Variants in ZNF341 observed in about 807,000 individuals in gnomAD.
ZNF341 encodes zinc finger protein 341.
Under a neutral mutation model 87.7 loss-of-function variants are expected in ZNF341, and 52 were observed. The observed-to-expected ratio is 0.59, with a 90% CI of 0.47 to 0.75. ZNF341 has a LOEUF of 0.75. Among genes scored for constraint, ZNF341 ranks in the 30% least tolerant of loss-of-function variants. The pLI, the probability that ZNF341 is intolerant of heterozygous loss-of-function variation, is 0.00. For missense variants in ZNF341, 977 were observed against 1,145.9 expected (o/e 0.85, Z 2.13); for synonymous variants, 459 against 472.7 (o/e 0.97, Z 0.38).
rs369299171 is a variant in ZNF341, at chr20:33,745,191, G to T, written c.231G>T (p.Gln77His). Reference protein sequence around the residue: ...AFMTHKREQCQGNAPALATVS... With the variant: ...AFMTHKREQCHGNAPALATVS... ...TGACCCACAAGCGGGAACAGTGCCA[G>T]GGGAATGCCCCCGCCCTGGCCACAG... Residue 77 changes from glutamine to histidine, a missense_variant, in exon 3 of 15, where the codon CAG becomes CAT. Gln to His is a conservative substitution (Grantham distance 24). Transcript: ENST00000375200. 7.7e-5 allele frequency: 125 copies of T among 1,614,098 alleles called. No homozygotes were observed. Among genetic ancestry groups the T allele is most frequent in the Non-Finnish European group, 1.0e-4 (122 of 1,180,050 alleles).
chr20:33,752,052 A>G (rs2019067058), intron 4 of ZNF341: 2 of 382,788 alleles, frequency 5.2e-6, no homozygotes, highest in Admixed American at 7.3e-5. Context: ...TCAACAAAGG[A>G]GATGTCCCAC....
chr20:33,786,143 A>C (rs1464316322), intron 12 of ZNF341, among the ~76,000 whole-genome samples: 1 of 146,984 alleles, frequency 6.8e-6, no homozygotes. Flanking sequence ...AGCTGGGATT[A>C]CAGGTGTGCA....
intron 10 of ZNF341, among the ~76,000 whole-genome samples, chr20:33,779,313 C>G (rs962362530): frequency 6.6e-6 from 1 of 152,148 alleles, no homozygotes; most frequent in Non-Finnish European, 1.5e-5. Flanking sequence ...GGTCCTAAAC[C>G]ATTCATGAGA....
At chr20:33,746,488 G>A (rs113527415) in intron 3 of ZNF341, among the ~76,000 whole-genome samples, 1,942 of 151,676 alleles carry the variant, frequency 0.013, 18 homozygotes, top group Non-Finnish European at 0.016. Context: ...CGCCTCGGCC[G>A]CCCAAAGTGC....
chr20:33,791,320 G>A lies in ZNF341; in HGVS notation c.2368G>A (p.Gly790Ser), dbSNP rs371648715. 37 of 1,611,588 alleles carry A rather than the reference G, an allele frequency of 2.3e-5. No homozygotes were observed. The highest frequency in any genetic ancestry group is 1.9e-4 in the African/African-American group (14 of 74,920). Residue 790 changes from glycine to serine, a missense_variant, in exon 15 of 15, where the codon GGC becomes AGC. Around this residue, in one of 3 missense-constraint regions of ZNF341, gnomAD observed 221 missense variants for 212.7 expected, o/e 1.04. Coordinates refer to ENST00000375200, the MANE Select transcript of ZNF341 (RefSeq NM_001282933.2). ...GAGLVPEAVPGKPPFAEPDAV... is the reference protein window; with the variant it reads ...GAGLVPEAVPSKPPFAEPDAV... Reference sequence around the variant, plus strand: ...TGGGCTGGTGCCCGAGGCTGTCCCCGGCAAGCCGCCCTTCGCAGAGCCGGA... The same window carrying A: ...TGGGCTGGTGCCCGAGGCTGTCCCCAGCAAGCCGCCCTTCGCAGAGCCGGA...
chr20:33,735,440 T>C (rs1274081218), intron 1 of ZNF341, among the ~76,000 whole-genome samples: 4 of 152,028 alleles, frequency 2.6e-5, no homozygotes, highest in Non-Finnish European at 5.9e-5. Context: ...GCTCAAGTGA[T>C]CCTCCCACCT....
intron 2 of ZNF341, among the ~76,000 whole-genome samples, chr20:33,744,524 T>G (rs776851177): frequency 6.6e-6 from 1 of 152,158 alleles, no homozygotes; most frequent in African/African-American, 2.4e-5. Flanking sequence ...GAACATACTT[T>G]ACTGTTTTTT....
chr20:33,745,200 C>G lies in ZNF341; in HGVS notation c.240C>G (p.Ala80=), dbSNP rs542715930. ...THKREQCQGN[A]PALATVSLAT... The stretch of plus-strand genomic sequence containing the variant: ...AGCGGGAACAGTGCCAGGGGAATGC[C>G]CCCGCCCTGGCCACAGTCTCACTGG... The change falls in exon 3 of 15, where the codon GCC becomes GCG. Residue 80 remains alanine, a synonymous_variant. Coordinates refer to ENST00000375200, the MANE Select transcript of ZNF341 (RefSeq NM_001282933.2). The G allele has an allele frequency of 4.3e-6, 7 of 1,614,056 alleles. No individual in the cohort carries two copies. The highest frequency in any genetic ancestry group is 1.3e-5 in the African/African-American group (1 of 74,934).
intron 9 of ZNF341, among the ~76,000 whole-genome samples, chr20:33,767,473 T>C (rs1245675162): frequency 6.6e-6 from 1 of 151,924 alleles, no homozygotes; most frequent in Non-Finnish European, 1.5e-5. Flanking sequence ...CACCTCCATG[T>C]TGGCCAGGCT....
intron 8 of ZNF341, among the ~76,000 whole-genome samples, chr20:33,766,541 A>T (rs1050236594): frequency 6.6e-6 from 1 of 152,120 alleles, no homozygotes; most frequent in African/African-American, 2.4e-5. Context: ...TTAGGAGTAC[A>T]ACTAGGATGG....
intron 10 of ZNF341, among the ~76,000 whole-genome samples, chr20:33,772,538 A>G (rs1207530298): frequency 6.6e-6 from 1 of 152,142 alleles, no homozygotes; most frequent in Non-Finnish European, 1.5e-5. Context: ...GCTATCATAT[A>G]TGTTTATAAG....
In ZNF341 at chr20:33,750,205, T is replaced by C. The variant is rs575083349; in HGVS notation, c.489+1133T>C. Among the ~76,000 whole-genome samples, 5 of 152,088 alleles carry C rather than the reference T, an allele frequency of 3.3e-5. No individual in the cohort carries two copies. In the East Asian group the frequency reaches 5.8e-4, roughly 18 times the overall value. ...CTCCTGGGCTCAAGGGATCCTCTAG[T>C]GTCGGCCTCTCAAAGTGCTGGGATT... On this transcript the variant is annotated intron_variant, in intron 4 of 14. Transcript: ENST00000375200.
Position 33,791,175 on chromosome 20 carries a change from G to C in ZNF341, c.2223G>C (p.Leu741=), listed in dbSNP as rs1568598023. 6.2e-7 allele frequency: 1 copy of C among 1,613,164 alleles called. No homozygotes were observed. The highest frequency in any genetic ancestry group is 8.5e-7 in the Non-Finnish European group (1 of 1,179,988). ...CRLGPQKDKD[L]QTRRPPQRRA... is the part of the protein sequence containing the mutation. ...TCGGCCCCCAAAAGGACAAGGACCT[G>C]CAAACCCGGCGGCCCCCCCAGAGGA... is the stretch of plus-strand genomic sequence containing the variant. The change falls in exon 15 of 15, where the codon CTG becomes CTC. Residue 741 remains leucine, a synonymous_variant. Transcript: ENST00000375200.
intron 9 of ZNF341, among the ~76,000 whole-genome samples, chr20:33,769,379 G>A (rs13042872): frequency 0.35 from 21,775 of 61,550 alleles, 2,620 homozygotes; most frequent in East Asian, 0.57. Flanking sequence ...TGGTGGTGGG[G>A]GGGGGGGCAG....
Position 33,740,911 on chromosome 20 carries a change from A to G in ZNF341, c.41A>G (p.Asn14Ser), listed in dbSNP as rs745389763. The G allele has an allele frequency of 3.1e-6, 5 of 1,614,130 alleles. No individual in the cohort carries two copies. Among genetic ancestry groups the G allele is most frequent in the African/African-American group, 1.3e-5 (1 of 75,054 alleles). ...AIFEALEGMD[N>S]QTVLAVQSLL... ...GCACTTCTTTTTTCAGGAATGGACA[A>G]TCAGACCGTTCTGGCTGTCCAGTCA... The change falls in exon 2 of 15, where the codon AAT (asparagine) becomes AGT (serine). Residue 14 changes from asparagine to serine, a missense_variant. Transcript: ENST00000375200.
rs902402866 is a variant in ZNF341, at chr20:33,790,281, T to C, written c.2035+693T>C. On this transcript the variant is annotated intron_variant, in intron 14 of 14. Transcript: ENST00000375200. ...GACATGGGGTTTTCACCATGTTGGC[T>C]AGGCTGGTGTCGAACTCCTGACCTC... Among the ~76,000 whole-genome samples, 8 of 152,060 alleles carry C rather than the reference T, an allele frequency of 5.3e-5. No homozygotes were observed. The East Asian group carries it at 5.8e-4, about 11-fold the overall frequency.
chr20:33,786,796 C>T (rs1470971437), intron 12 of ZNF341, among the ~76,000 whole-genome samples: 3 of 149,486 alleles, frequency 2.0e-5, no homozygotes, highest in Admixed American at 6.7e-5. Flanking sequence ...GATGAAACCC[C>T]GTCTCTACTA....
At position 33,781,324 on chromosome 20, in the gene ZNF341, T is replaced by C. The variant is rs2122726594; in HGVS notation, c.1656T>C (p.Pro552=). The C allele has an allele frequency of 6.2e-7, 1 of 1,614,106 alleles. No individual in the cohort carries two copies. Among genetic ancestry groups the C allele is most frequent in the Non-Finnish European group, 8.5e-7 (1 of 1,179,982 alleles). ...CVKCVNKYST[P]EALEHHLQTA... ...AATGTGTCAACAAATACTCCACCCCTGAGGCCCTGGAGCACCACCTGCAGA... is the reference window on the plus strand; with the variant it reads ...AATGTGTCAACAAATACTCCACCCCCGAGGCCCTGGAGCACCACCTGCAGA... The change falls in exon 11 of 15, where the codon CCT becomes CCC. Residue 552 remains proline (P), a synonymous_variant. Coordinates refer to ENST00000375200, the MANE Select transcript of ZNF341 (RefSeq NM_001282933.2).
At chr20:33,781,412 G>GT in intron 11 of ZNF341, 25 bp downstream of exon 11, 1 of 1,606,230 alleles carries the variant, frequency 6.2e-7, no homozygotes. Flanking sequence ...CCTCTTTTCT[G>GT]GGGCCTAGGC....
Sources: allele counts gnomAD v4.1 joint callset (sites outside exome capture counted in the v4.1 genomes callset), GRCh38; gene constraint gnomAD v4.1.1; regional missense constraint gnomAD v4.1.1; transcripts MANE v1.5; gene names NCBI Gene and HGNC (gene_info 2026-07-23, HGNC 2026-07-21).